ANTXR1: variants seen among roughly 807,000 people sequenced by gnomAD.
ANTXR1 encodes the protein ANTXR cell adhesion molecule 1.
A neutral mutation model predicts 78.1 loss-of-function variants in ANTXR1; 19 were observed. That is an observed-to-expected ratio of 0.24 (90% confidence interval 0.17 to 0.36). The LOEUF is 0.36. Among genes scored for constraint, ANTXR1 ranks in the 10% least tolerant of loss-of-function variants. The probability of loss-of-function intolerance (pLI) is 1.00; values close to 1 mark genes in which losing one functional copy is unlikely to be tolerated. For missense variants in ANTXR1, 518 were observed against 718.6 expected (o/e 0.72, Z 3.19); for synonymous variants, 273 against 260.5 (o/e 1.05, Z -0.46).
chr2:69,155,344 G>T (rs1189340354), intron 13 of ANTXR1, among the ~76,000 whole-genome samples: 1 of 152,168 alleles, frequency 6.6e-6, no homozygotes, highest in East Asian at 1.9e-4. Flanking sequence ...CACCCACCTT[G>T]AAGGGGAGAG....
At chr2:69,200,095 G>A (rs112379898) in intron 17 of ANTXR1, among the ~76,000 whole-genome samples, 4,138 of 152,114 alleles carry the variant, frequency 0.027, 202 homozygotes, top group African/African-American at 0.094. Context: ...ACTCCAAATC[G>A]AACTCCATCC....
intron 17 of ANTXR1, among the ~76,000 whole-genome samples, chr2:69,232,026 A>G (rs1401942179): frequency 6.6e-6 from 1 of 152,084 alleles, no homozygotes; most frequent in African/African-American, 2.4e-5. Context: ...GGGATGGAAG[A>G]TTTTCCTTCT....
At chr2:69,054,165 T>C (rs1440182067) in intron 3 of ANTXR1, among the ~76,000 whole-genome samples, 2 of 120,734 alleles carry the variant, frequency 1.7e-5, no homozygotes, top group African/African-American at 1.1e-4. Flanking sequence ...ATTATATGTA[T>C]TATCAAAGAT....
chr2:69,105,828 T>G (rs1350176102), intron 10 of ANTXR1, among the ~76,000 whole-genome samples: 1 of 152,202 alleles, frequency 6.6e-6, no homozygotes, highest in Non-Finnish European at 1.5e-5. Flanking sequence ...TGAGAAAGAC[T>G]TAATTGAAGG....
chr2:69,019,291 T>A (rs1199435324), intron 1 of ANTXR1, among the ~76,000 whole-genome samples: 1 of 152,228 alleles, frequency 6.6e-6, no homozygotes, highest in Admixed American at 6.5e-5. Context: ...GTATATTTAT[T>A]GTTAATTTCA....
chr2:69,170,370 AGCCCCCT>A, intron 14 of ANTXR1, 81 bp downstream of exon 14: 1 of 1,505,344 alleles, frequency 6.6e-7, no homozygotes, highest in Non-Finnish European at 9.2e-7. Context: ...CTGGACACTT[AGCCCCCT>A]GCAGAGCAGA....
At chr2:69,134,312 C>A (rs11693440) in intron 12 of ANTXR1, among the ~76,000 whole-genome samples, 1 of 152,002 alleles carries the variant, frequency 6.6e-6, no homozygotes, top group Non-Finnish European at 1.5e-5. Context: ...CAAAGGGCTG[C>A]GCTGAAACAC....
intron 10 of ANTXR1, among the ~76,000 whole-genome samples, chr2:69,120,674 GATAATA>G (rs751426166): frequency 1.3e-5 from 2 of 151,474 alleles, no homozygotes; most frequent in South Asian, 2.1e-4. Flanking sequence ...AGAAAAAAAA[GATAATA>G]ATAATAATAA....
chr2:69,095,030 G>A (rs1671354860), intron 9 of ANTXR1, among the ~76,000 whole-genome samples: 1 of 152,184 alleles, frequency 6.6e-6, no homozygotes, highest in African/African-American at 2.4e-5. Context: ...TCCAGGTCAG[G>A]AGAACTAACA....
chr2:69,075,988 C>A (rs184632447), intron 7 of ANTXR1, among the ~76,000 whole-genome samples: 11 of 152,202 alleles, frequency 7.2e-5, no homozygotes, highest in Admixed American at 5.2e-4. Context: ...ACTCTGTCAC[C>A]CAGGCTGGGG....
intron 6 of ANTXR1, among the ~76,000 whole-genome samples, chr2:69,074,624 G>A (rs930247014): frequency 1.3e-5 from 2 of 152,316 alleles, no homozygotes; most frequent in South Asian, 2.1e-4. Context: ...TGAGGCTACA[G>A]TGAGTCTAAA....
intron 17 of ANTXR1, among the ~76,000 whole-genome samples, chr2:69,210,136 G>A (rs1675003918): frequency 2.6e-5 from 4 of 152,154 alleles, no homozygotes; most frequent in Admixed American, 2.6e-4. Context: ...ACTGGCTGAT[G>A]GATGGCTTAT....
chr2:69,069,266 C>T (rs1440603838), intron 3 of ANTXR1, among the ~76,000 whole-genome samples: 2 of 152,170 alleles, frequency 1.3e-5, no homozygotes, highest in Non-Finnish European at 1.5e-5. Flanking sequence ...ATTTATCATA[C>T]TGATTAAGAA....
intron 16 of ANTXR1, among the ~76,000 whole-genome samples, chr2:69,183,586 T>TTTG (rs1558629104): frequency 5.7e-5 from 8 of 140,288 alleles, no homozygotes; most frequent in African/African-American, 2.3e-4. Flanking sequence ...TTTTTTTTTT[T>TTTG]TTTTTTTTTT....
At chr2:69,190,073 G>T (rs754184517) in intron 16 of ANTXR1, among the ~76,000 whole-genome samples, 2 of 152,160 alleles carry the variant, frequency 1.3e-5, no homozygotes, top group Non-Finnish European at 2.9e-5. Context: ...CCAAATGAAG[G>T]CCACCATGTC....
chr2:69,139,219 T>C (rs1673001371), intron 12 of ANTXR1, among the ~76,000 whole-genome samples: 1 of 152,264 alleles, frequency 6.6e-6, no homozygotes, highest in Non-Finnish European at 1.5e-5. Flanking sequence ...ACCTATCCAA[T>C]TTCACTGTGG....
At chr2:69,083,976 A>G (rs143332308) in intron 8 of ANTXR1, among the ~76,000 whole-genome samples, 1,712 of 152,346 alleles carry the variant, frequency 0.011, 36 homozygotes, top group African/African-American at 0.039. Context: ...TATTATTTCT[A>G]TTCAGCTTAT....
intron 3 of ANTXR1, among the ~76,000 whole-genome samples, chr2:69,050,707 C>G (rs569607034): frequency 9.9e-5 from 15 of 152,272 alleles, no homozygotes; most frequent in Admixed American, 2.0e-4. Context: ...ACTTGAGAAA[C>G]AGTAGAAATT....
chr2:69,175,556 G>A (rs1674098911), intron 14 of ANTXR1, among the ~76,000 whole-genome samples: 1 of 152,148 alleles, frequency 6.6e-6, no homozygotes, highest in Non-Finnish European at 1.5e-5. Context: ...CCCAGAAGCT[G>A]GAAACTGCAG....
Sources: allele counts gnomAD v4.1 joint callset (sites outside exome capture counted in the v4.1 genomes callset), GRCh38; gene constraint gnomAD v4.1.1; transcripts MANE v1.5; gene names NCBI Gene and HGNC (gene_info 2026-07-23, HGNC 2026-07-21).